DENND2C: variants seen among roughly 807,000 people sequenced by gnomAD.
DENND2C encodes the protein DENN domain-containing protein 2C.
A neutral mutation model predicts 112.4 loss-of-function variants in DENND2C; 72 were observed. The observed-to-expected ratio is 0.64, with a 90% CI of 0.53 to 0.78. The LOEUF (loss-of-function observed/expected upper bound fraction) is 0.78, where lower values mean the gene tolerates loss of function less well. Among genes scored for constraint, DENND2C ranks in the 30% least tolerant of loss-of-function variants. DENND2C has a pLI of 0.00. For synonymous variants in DENND2C, 329 were observed against 381.6 expected, an observed-to-expected ratio of 0.86 and a Z score of 1.61; for missense variants, 992 against 1,113.8, an observed-to-expected ratio of 0.89 and a Z score of 1.56.
chr1:114,649,108 C>G (rs952845206), intron 2 of DENND2C, among the ~76,000 whole-genome samples: 6 of 151,852 alleles, frequency 4.0e-5, no homozygotes, highest in African/African-American at 1.5e-4. Context: ...GCGCCTGCCA[C>G]CATGCCTGAC....
intron 1 of DENND2C, among the ~76,000 whole-genome samples, chr1:114,667,242 A>G (rs1409620586): frequency 6.6e-6 from 1 of 152,160 alleles, no homozygotes; most frequent in Non-Finnish European, 1.5e-5. Flanking sequence ...GTTAAATTCT[A>G]TCTATACTTC....
chr1:114,629,562 AGCCACTGTGCCTG>A (rs1656434063), intron 3 of DENND2C, among the ~76,000 whole-genome samples: 1 of 152,212 alleles, frequency 6.6e-6, no homozygotes, highest in Admixed American at 6.5e-5. Flanking sequence ...TACAAGCGTG[AGCCACTGTGCCTG>A]GCCAAGCATG....
intron 7 of DENND2C, among the ~76,000 whole-genome samples, chr1:114,620,733 T>C (rs1023139890): frequency 2.0e-5 from 3 of 152,198 alleles, no homozygotes; most frequent in African/African-American, 7.2e-5. Flanking sequence ...TTACATTTTT[T>C]TTTTCACTAA....
chr1:114,597,007 G>C (rs1440479541), intron 16 of DENND2C, among the ~76,000 whole-genome samples: 1 of 151,984 alleles, frequency 6.6e-6, no homozygotes, highest in Non-Finnish European at 1.5e-5. Flanking sequence ...AACTTAAGCA[G>C]CTCACTAAAA....
rs1654968989 is a variant in DENND2C, at chr1:114,583,825, A to AAC, written c.*1774_*1775insGT. 1 of 128,562 alleles carries AAC rather than the reference A, an allele frequency of 7.8e-6. No homozygotes were observed. The highest frequency in any genetic ancestry group is 1.7e-5 in the Non-Finnish European group (1 of 60,594). The allele number at this position is 128,562 out of a possible 1,614,324, so 8.0% of individuals were successfully genotyped here. The stretch of plus-strand genomic sequence containing the variant: ...TCCATCTCAAAAAAAAAAAAAAAAA[A>AAC]CCGAAACAAAACACACACACACACA... On this transcript the variant is annotated 3_prime_UTR_variant, in exon 21 of 21. Transcript: ENST00000393274.
At chr1:114,621,104 A>G (rs1313418273) in intron 7 of DENND2C, among the ~76,000 whole-genome samples, 1 of 152,144 alleles carries the variant, frequency 6.6e-6, no homozygotes, top group Non-Finnish European at 1.5e-5. Flanking sequence ...TTTTTCATAT[A>G]ATTTCTTAAG....
At chr1:114,620,241 C>T (rs1007649697) in intron 7 of DENND2C, among the ~76,000 whole-genome samples, 1 of 152,154 alleles carries the variant, frequency 6.6e-6, no homozygotes, top group Non-Finnish European at 1.5e-5. Context: ...CAAGGAGGGT[C>T]ACAGGTAGAA....
chr1:114,600,982 T>C (rs764047011), intron 13 of DENND2C, 22 bp from the exon 14 acceptor site: 2 of 1,605,064 alleles, frequency 1.2e-6, no homozygotes, highest in South Asian at 2.2e-5. Flanking sequence ...AAGTGTTATT[T>C]TATTATGGAC....
chr1:114,655,979 G>A (rs1657307499), intron 1 of DENND2C, among the ~76,000 whole-genome samples: 1 of 150,836 alleles, frequency 6.6e-6, no homozygotes, highest in Admixed American at 6.6e-5. Flanking sequence ...TAATGGTAAT[G>A]CCAGTATTTA....
chr1:114,646,301 C>A (rs1456605633), intron 2 of DENND2C, among the ~76,000 whole-genome samples: 11 of 152,124 alleles, frequency 7.2e-5, no homozygotes, highest in Admixed American at 6.5e-4. Flanking sequence ...TTTTTGCTGA[C>A]AACCACTTGT....
At chr1:114,617,513 T>C (rs1656006806) in intron 8 of DENND2C, among the ~76,000 whole-genome samples, 1 of 152,122 alleles carries the variant, frequency 6.6e-6, no homozygotes, top group Admixed American at 6.6e-5. Flanking sequence ...TTTCTCTATG[T>C]TGGTCAGGCT....
At chr1:114,647,567 T>C (rs1466156569) in intron 2 of DENND2C, among the ~76,000 whole-genome samples, 2 of 152,108 alleles carry the variant, frequency 1.3e-5, no homozygotes, top group Non-Finnish European at 2.9e-5. Flanking sequence ...GTGAAAGGAA[T>C]GCACTGCCAA....
At chr1:114,598,318 A>G (rs904728890) in intron 16 of DENND2C, among the ~76,000 whole-genome samples, 15 of 152,208 alleles carry the variant, frequency 9.9e-5, no homozygotes, top group Admixed American at 2.6e-4. Flanking sequence ...TGACCTCATC[A>G]ACATAGATTA....
intron 3 of DENND2C, among the ~76,000 whole-genome samples, chr1:114,630,099 G>A (rs1226946657): frequency 6.6e-6 from 1 of 151,966 alleles, no homozygotes; most frequent in Non-Finnish European, 1.5e-5. Flanking sequence ...CGGATCATGA[G>A]GTCAAGAGAT....
chr1:114,584,818 C>G lies in DENND2C; in HGVS notation c.*782G>C, dbSNP rs1055209318. The G allele has an allele frequency of 6.6e-6, 1 of 152,106 alleles. No individual in the cohort carries two copies. Among genetic ancestry groups the G allele is most frequent in the Non-Finnish European group, 1.5e-5 (1 of 68,022 alleles). The allele number at this position is 152,106 out of a possible 1,614,324, so 9.4% of individuals were successfully genotyped here. On this transcript the variant is annotated 3_prime_UTR_variant, in exon 21 of 21. Coordinates refer to ENST00000393274, the MANE Select transcript of DENND2C (RefSeq NM_001256404.2). ...ATGGGATCTTGCTATGTTGCCCAGG[C>G]TAGTCTCAAACTCCCACCCTCAAAC...
intron 1 of DENND2C, among the ~76,000 whole-genome samples, chr1:114,660,046 C>CT (rs1390130572): frequency 2.6e-5 from 4 of 152,274 alleles, no homozygotes; most frequent in African/African-American, 9.6e-5. Context: ...CAGCCTCAGC[C>CT]TTCCAAGTGC....
chr1:114,639,058 T>C (rs901288308), intron 3 of DENND2C, among the ~76,000 whole-genome samples: 6 of 152,006 alleles, frequency 3.9e-5, no homozygotes, highest in African/African-American at 2.4e-5. Flanking sequence ...GAGTAGCCAA[T>C]AAGCACAATA....
chr1:114,611,843 C>A (rs987905118), intron 8 of DENND2C, among the ~76,000 whole-genome samples: 1 of 149,860 alleles, frequency 6.7e-6, no homozygotes, highest in Non-Finnish European at 1.5e-5. Context: ...TAAAACATTT[C>A]TAGATTAAGT....
chr1:114,637,313 G>T (rs1192477448), intron 3 of DENND2C, among the ~76,000 whole-genome samples: 1 of 147,758 alleles, frequency 6.8e-6, no homozygotes, highest in Non-Finnish European at 1.5e-5. Flanking sequence ...AGGCTGTAGT[G>T]AGCCAAGATC....
Sources: allele counts gnomAD v4.1 joint callset (sites outside exome capture counted in the v4.1 genomes callset), GRCh38; gene constraint gnomAD v4.1.1; transcripts MANE v1.5; gene names NCBI Gene and HGNC (gene_info 2026-07-23, HGNC 2026-07-21).